The following RNF44 variants were observed in gnomAD, a reference collection of about 807,000 sequenced individuals.
RNF44 encodes ring finger protein 44.
Under a neutral mutation model 53.6 loss-of-function variants are expected in RNF44, and 25 were observed. The ratio of observed to expected loss-of-function variants is 0.47; its 90% CI spans 0.34 to 0.65. The LOEUF is 0.65. Ranked by LOEUF, RNF44 falls within the 30% of genes least tolerant of loss-of-function variation. The probability of loss-of-function intolerance (pLI) is 0.01; values close to 1 mark genes in which losing one functional copy is unlikely to be tolerated. For synonymous variants in RNF44, 282 were observed against 252.2 expected, an observed-to-expected ratio of 1.12 and a Z score of -1.12; for missense variants, 581 against 595.5, an observed-to-expected ratio of 0.98 and a Z score of 0.25.
At chr5:176,529,172 C>T (rs760054020) in intron 10 of RNF44, 82 bp from the exon 11 acceptor site, 60 of 1,577,208 alleles carry the variant, frequency 3.8e-5, no homozygotes, top group Middle Eastern at 1.7e-4. Context: ...GGACTTGGTC[C>T]GCTGGAGCCA....
intron 1 of RNF44, chr5:176,536,217 C>T (rs1757158044): frequency 6.6e-6 from 1 of 152,276 alleles, no homozygotes; most frequent in Admixed American, 6.5e-5. Context: ...GGCCGGACCA[C>T]CAGACTAGGA....
In RNF44 at chr5:176,528,278, G is replaced by A. The variant is rs746947270; in HGVS notation, c.*750C>T. 4 of 152,426 alleles carry A rather than the reference G, an allele frequency of 2.6e-5. No homozygotes were observed. The highest frequency in any genetic ancestry group is 7.2e-5 in the African/African-American group (3 of 41,586). The allele number at this position is 152,426 out of a possible 1,614,324, so 9.4% of individuals were successfully genotyped here. A position where few individuals can be genotyped will look rare whatever the true frequency, so the allele number is the denominator to read the frequency against. On this transcript the variant is annotated 3_prime_UTR_variant, in exon 11 of 11. Transcript: ENST00000274811. ...TCACGTTCATGCAAAACAACAGAGG[G>A]AGAGGAGATTGGGCACGGGTCTGGC...
chr5:176,529,567 C>T lies in RNF44; in HGVS notation c.1092G>A (p.Pro364=), dbSNP rs774093086. Residue 364 remains proline (P), a synonymous_variant, in exon 9 of 11, where the codon CCG becomes CCA. Coordinates refer to ENST00000274811, the MANE Select transcript of RNF44 (RefSeq NM_014901.5). ...GLTKADIEQL[P]SYRFNPDSHQ... is the part of the protein sequence containing the mutation. ...GGCTGTCCGGGTTAAAGCGGTACGA[C>T]GGGAGCTGCTCTATGTCTGCTTTGG... The T allele has an allele frequency of 1.3e-5, 21 of 1,613,900 alleles. No individual in the cohort carries two copies. The highest frequency in any genetic ancestry group is 3.3e-5 in the Admixed American group (2 of 60,000).
chr5:176,530,266 C>T (rs1278687236), intron 6 of RNF44, 60 bp from the exon 7 acceptor site: 1 of 580,244 alleles, frequency 1.7e-6, no homozygotes, highest in Non-Finnish European at 2.2e-6. Context: ...CGCCCCGGAG[C>T]CCAGGTGCAA....
At chr5:176,536,371 TC>T (rs1757170464) in intron 1 of RNF44, 2 of 152,254 alleles carry the variant, frequency 1.3e-5, no homozygotes, top group East Asian at 3.9e-4. Context: ...AACCAGGTGG[TC>T]ACACTAGTGG....
At chr5:176,539,999 G>C (rs1416062289), upstream of RNF44, among the ~76,000 whole-genome samples, 1 of 152,128 alleles carries the variant, frequency 6.6e-6, no homozygotes, top group Non-Finnish European at 1.5e-5. Context: ...TTCACTTTTC[G>C]GCGGTTTGAA....
intron 1 of RNF44, among the ~76,000 whole-genome samples, chr5:176,534,769 C>T (rs529248523): frequency 6.6e-6 from 1 of 152,254 alleles, no homozygotes; most frequent in African/African-American, 2.4e-5. Flanking sequence ...CCCAGCAACA[C>T]TGGCAGGTCA....
At chr5:176,530,527 C>T (rs535657903) in intron 6 of RNF44, 55 bp downstream of exon 6, 65 of 1,367,744 alleles carry the variant, frequency 4.8e-5, no homozygotes, top group East Asian at 6.2e-5. Flanking sequence ...GTCGGCCCAG[C>T]GGGTCTGCCT....
At chr5:176,529,950 T>A in intron 7 of RNF44, 132 bp from the exon 8 acceptor site, 2 of 1,383,906 alleles carry the variant, frequency 1.4e-6, no homozygotes, top group Non-Finnish European at 1.9e-6. Flanking sequence ...CTGGCGTGCC[T>A]GTCAGGTTAA....
upstream of RNF44, among the ~76,000 whole-genome samples, chr5:176,542,959 C>G (rs886420865): frequency 1.3e-5 from 2 of 151,920 alleles, no homozygotes; most frequent in Non-Finnish European, 2.9e-5. Flanking sequence ...GGGTCCCAGC[C>G]GCAGCTGGGA....
upstream of RNF44, chr5:176,537,526 A>C (rs1292691940): frequency 6.6e-6 from 1 of 152,118 alleles, no homozygotes; most frequent in Non-Finnish European, 1.5e-5. Context: ...CCACCTTCGC[A>C]CTTAAAGGGA....
chr5:176,529,400 G>A lies in RNF44; in HGVS notation c.1137-13C>T, dbSNP rs751087553. 13 of 1,607,294 alleles carry A rather than the reference G, an allele frequency of 8.1e-6. No individual in the cohort carries two copies. The highest frequency in any genetic ancestry group is 2.2e-5 in the East Asian group (1 of 44,786). On this transcript the variant is annotated splice_polypyrimidine_tract_variant and intron_variant, in intron 9 of 10. Coordinates refer to ENST00000274811, the MANE Select transcript of RNF44 (RefSeq NM_014901.5). ...GCAGACCACACACCTGTGGAGGGGC[G>A]CGGAGCGTCACCTCCACGCTGAGGG...
chr5:176,543,246 C>G, the RNF44 span, among the ~76,000 whole-genome samples: 1 of 146,886 alleles, frequency 6.8e-6, no homozygotes, highest in Non-Finnish European at 1.5e-5. This position sits in a 1 kb window ranked among gnomAD's most constrained non-coding sequence, Gnocchi z 4.0. Context: ...GCGCAGGGTC[C>G]GGGCCCGGCG....
intron 1 of RNF44, among the ~76,000 whole-genome samples, chr5:176,534,310 G>C (rs892792601): frequency 6.6e-6 from 1 of 152,208 alleles, no homozygotes; most frequent in Non-Finnish European, 1.5e-5. Flanking sequence ...ACTTGTTTCT[G>C]CCTGGCCCCC....
In RNF44 at chr5:176,531,356, T is replaced by C; in HGVS notation, c.465+107A>G. On this transcript the variant is annotated intron_variant, in intron 4 of 10. Coordinates refer to ENST00000274811, the MANE Select transcript of RNF44 (RefSeq NM_014901.5). This position sits in a 1 kb window ranked among gnomAD's most constrained non-coding sequence, Gnocchi z 4.2. ...CAGGCAGGCGCTCTGACAGCCTGGATGGCTGGATAGCTCAGCCCAGTTCAG... is the reference window on the plus strand; with the variant it reads ...CAGGCAGGCGCTCTGACAGCCTGGACGGCTGGATAGCTCAGCCCAGTTCAG... 1 of 1,120,684 alleles carries C rather than the reference T, an allele frequency of 8.9e-7. No individual in the cohort carries two copies. Among genetic ancestry groups the C allele is most frequent in the Non-Finnish European group, 1.2e-6 (1 of 805,512 alleles). The allele number at this position is 1,120,684 out of a possible 1,614,324, so 69.4% of individuals were successfully genotyped here.
rs1251146089 is a variant in RNF44, at chr5:176,531,353, G to C, written c.465+110C>G. On this transcript the variant is annotated intron_variant, in intron 4 of 10. Transcript: ENST00000274811. The surrounding 1 kb of genome is among the most constrained non-coding windows in gnomAD (Gnocchi z 4.2). ...GGCCAGGCAGGCGCTCTGACAGCCTGGATGGCTGGATAGCTCAGCCCAGTT... is the reference window on the plus strand; with the variant it reads ...GGCCAGGCAGGCGCTCTGACAGCCTCGATGGCTGGATAGCTCAGCCCAGTT... 3.7e-5 allele frequency: 40 copies of C among 1,092,046 alleles called. No individual in the cohort carries two copies. The highest frequency in any genetic ancestry group is 1.3e-6 in the Non-Finnish European group (1 of 780,814). 67.6% of individuals were successfully genotyped at this position (1,092,046 alleles called of 1,614,324 possible).
chr5:176,529,565 G>A lies in RNF44; in HGVS notation c.1094C>T (p.Ser365Leu), dbSNP rs1756366451. 4.3e-6 allele frequency: 7 copies of A among 1,614,050 alleles called. No homozygotes were observed. The highest frequency in any genetic ancestry group is 1.3e-5 in the African/African-American group (1 of 75,062). ...LTKADIEQLP[S>L]YRFNPDSHQS... ...ATGGCTGTCCGGGTTAAAGCGGTAC[G>A]ACGGGAGCTGCTCTATGTCTGCTTT... Residue 365 changes from serine to leucine, a missense_variant, in exon 9 of 11, where the codon TCG (serine) becomes TTG (leucine). Physicochemically the swap from Ser to Leu is moderately radical, Grantham distance 145. Transcript: ENST00000274811.
At chr5:176,542,087 G>A (rs1051255906), upstream of RNF44, among the ~76,000 whole-genome samples, 1 of 152,234 alleles carries the variant, frequency 6.6e-6, no homozygotes, top group African/African-American at 2.4e-5. Flanking sequence ...CTCCCCGTCT[G>A]GGGCTCTGGC....
At chr5:176,539,723 CT>C (rs1170798927), upstream of RNF44, among the ~76,000 whole-genome samples, 1 of 151,946 alleles carries the variant, frequency 6.6e-6, no homozygotes, top group Non-Finnish European at 1.5e-5. Flanking sequence ...TTGAAGGTAC[CT>C]ACATATTTGT....
Sources: allele counts gnomAD v4.1 joint callset (sites outside exome capture counted in the v4.1 genomes callset), GRCh38; gene constraint gnomAD v4.1.1; non-coding constraint Gnocchi (gnomAD v3.1); transcripts MANE v1.5; gene names NCBI Gene and HGNC (gene_info 2026-07-23, HGNC 2026-07-21).